LRRN1: variants seen among roughly 807,000 people sequenced by gnomAD.
LRRN1 encodes the protein leucine rich repeat neuronal 1, also known as leucine-rich repeat neuronal protein 1.
Under a neutral mutation model 45.8 loss-of-function variants are expected in LRRN1, and 14 were observed. That is an observed-to-expected ratio of 0.31 (90% confidence interval 0.20 to 0.48). LRRN1 has a LOEUF of 0.48. Ranked by LOEUF, LRRN1 falls within the 20% of genes least tolerant of loss-of-function variation. The pLI is 0.99. For missense variants in LRRN1, 789 were observed against 874.2 expected (o/e 0.90, Z 1.23); for synonymous variants, 359 against 330.1 (o/e 1.09, Z -0.95).
intron 1 of LRRN1, among the ~76,000 whole-genome samples, chr3:3,820,758 T>G (rs1693086473): frequency 2.0e-5 from 3 of 152,216 alleles, no homozygotes; most frequent in Admixed American, 1.3e-4. Flanking sequence ...GTTGTTTCAT[T>G]GAACACTTGC....
intron 1 of LRRN1, among the ~76,000 whole-genome samples, chr3:3,811,565 G>A (rs76368756): frequency 0.027 from 4,086 of 152,204 alleles, 89 homozygotes; most frequent in Admixed American, 0.044. Flanking sequence ...CTGTATTTTG[G>A]TAGAAAATGA....
At chr3:3,832,756 A>C (rs756808292) in intron 1 of LRRN1, among the ~76,000 whole-genome samples, 23 of 152,166 alleles carry the variant, frequency 1.5e-4, no homozygotes, top group Non-Finnish European at 2.6e-4. Context: ...TTGAGCGGTC[A>C]TGATTCTCTG....
intron 1 of LRRN1, among the ~76,000 whole-genome samples, chr3:3,803,715 T>G (rs903604396): frequency 1.3e-5 from 2 of 152,194 alleles, no homozygotes; most frequent in African/African-American, 4.8e-5. Context: ...TTATTCTCTC[T>G]TGTTTTGGCT....
intron 1 of LRRN1, among the ~76,000 whole-genome samples, chr3:3,829,991 A>C: frequency 6.6e-6 from 1 of 152,152 alleles, no homozygotes; most frequent in East Asian, 1.9e-4. Flanking sequence ...TTGGGCACTC[A>C]GCAGTGTCTG....
Position 3,845,809 on chromosome 3 carries a change from C to A in LRRN1, c.1168C>A (p.Arg390Ser), listed in dbSNP as rs748492330. 6.2e-7 allele frequency: 1 copy of A among 1,614,122 alleles called. No homozygotes were observed. The highest frequency in any genetic ancestry group is 1.7e-5 in the Admixed American group (1 of 60,018). Residue 390 changes from arginine to serine, a missense_variant, in exon 2 of 2, where the codon CGC becomes AGC. Transcript: ENST00000319331. This position sits in a 1 kb window ranked among gnomAD's most constrained non-coding sequence, Gnocchi z 6.5. Reference sequence around the variant, plus strand: ...GATTAACTCCAACAAAACCAACATCCGCTTCATGGAGCCCCTGTCCATGTT... The same window carrying A: ...GATTAACTCCAACAAAACCAACATCAGCTTCATGGAGCCCCTGTCCATGTT... ...HWINSNKTNIRFMEPLSMFCA... is the reference protein window; with the variant it reads ...HWINSNKTNISFMEPLSMFCA...
intron 1 of LRRN1, among the ~76,000 whole-genome samples, chr3:3,827,031 C>T (rs1354739612): frequency 1.3e-5 from 2 of 152,114 alleles, no homozygotes; most frequent in Non-Finnish European, 2.9e-5. Flanking sequence ...CTTCAACACC[C>T]ATGAAAAAGA....
chr3:3,801,499 G>C (rs1692651286), intron 1 of LRRN1, among the ~76,000 whole-genome samples: 1 of 152,164 alleles, frequency 6.6e-6, no homozygotes, highest in Admixed American at 6.5e-5. Flanking sequence ...GAGTAAAAGT[G>C]TTATTGGCTC....
intron 1 of LRRN1, among the ~76,000 whole-genome samples, chr3:3,818,465 A>G (rs980342370): frequency 1.3e-5 from 2 of 152,200 alleles, no homozygotes; most frequent in Admixed American, 6.5e-5. Context: ...TTAAATTGCC[A>G]CTTTCATGAT....
intron 1 of LRRN1, among the ~76,000 whole-genome samples, chr3:3,836,261 G>A (rs1217493190): frequency 1.3e-5 from 2 of 152,160 alleles, no homozygotes; most frequent in African/African-American, 4.8e-5. Context: ...GTTCAGTTGT[G>A]TTAAGTATAT....
At chr3:3,802,592 A>G (rs1692677873) in intron 1 of LRRN1, among the ~76,000 whole-genome samples, 1 of 152,182 alleles carries the variant, frequency 6.6e-6, no homozygotes, top group African/African-American at 2.4e-5. Flanking sequence ...AGTGCCTTTT[A>G]TACATAAGGC....
intron 1 of LRRN1, among the ~76,000 whole-genome samples, chr3:3,811,728 C>T (rs139698174): frequency 3.3e-5 from 5 of 152,046 alleles, no homozygotes; most frequent in South Asian, 2.1e-4. Context: ...AAATGCATGT[C>T]GAATATCAAG....
intron 1 of LRRN1, among the ~76,000 whole-genome samples, chr3:3,841,772 C>T (rs1693658654): frequency 6.6e-6 from 1 of 152,200 alleles, no homozygotes; most frequent in African/African-American, 2.4e-5. Flanking sequence ...CCCCTGCCAG[C>T]CTCCCACAGT....
At chr3:3,820,861 G>A (rs1169388479) in intron 1 of LRRN1, among the ~76,000 whole-genome samples, 1 of 152,164 alleles carries the variant, frequency 6.6e-6, no homozygotes. Context: ...AGAACACTCT[G>A]ATGAGTGACT....
At chr3:3,834,530 A>ATATATATATATATATATAT (rs1693451088) in intron 1 of LRRN1, among the ~76,000 whole-genome samples, 1 of 98,856 alleles carries the variant, frequency 1.0e-5, no homozygotes. Flanking sequence ...AACAGGATAT[A>ATATATATATATATATATAT]TATATATATA....
chr3:3,836,090 TA>T (rs61166417), intron 1 of LRRN1, among the ~76,000 whole-genome samples: 124,530 of 151,374 alleles, frequency 0.82, 51,842 homozygotes, highest in Non-Finnish European at 0.89. Flanking sequence ...CAATTTCACT[TA>T]AAAAAAAAAA....
intron 1 of LRRN1, among the ~76,000 whole-genome samples, chr3:3,835,236 C>A (rs903711289): frequency 1.4e-4 from 21 of 152,110 alleles, no homozygotes; most frequent in African/African-American, 4.3e-4. Context: ...AACATCATAG[C>A]CTACCTTGAA....
intron 1 of LRRN1, among the ~76,000 whole-genome samples, chr3:3,830,362 G>A (rs1041950574): frequency 3.9e-5 from 6 of 152,130 alleles, no homozygotes; most frequent in African/African-American, 9.7e-5. Flanking sequence ...CCCATGAATC[G>A]GTATATACTC....
At chr3:3,808,371 C>G (rs891213548) in intron 1 of LRRN1, among the ~76,000 whole-genome samples, 4 of 152,182 alleles carry the variant, frequency 2.6e-5, no homozygotes, top group Non-Finnish European at 5.9e-5. Context: ...CACTTTATAG[C>G]TCAGGAAACT....
At chr3:3,814,344 T>C (rs1347058079) in intron 1 of LRRN1, among the ~76,000 whole-genome samples, 1 of 151,586 alleles carries the variant, frequency 6.6e-6, no homozygotes, top group Admixed American at 6.6e-5. Flanking sequence ...TTCCACCCAG[T>C]ACCCCTTTCC....
Sources: allele counts gnomAD v4.1 joint callset (sites outside exome capture counted in the v4.1 genomes callset), GRCh38; gene constraint gnomAD v4.1.1; non-coding constraint Gnocchi (gnomAD v3.1); transcripts MANE v1.5; gene names NCBI Gene and HGNC (gene_info 2026-07-23, HGNC 2026-07-21).